LNX1: variants seen among roughly 807,000 people sequenced by gnomAD.
LNX1 encodes the protein E3 ubiquitin-protein ligase LNX.
A neutral mutation model predicts 68.4 loss-of-function variants in LNX1; 54 were observed. The ratio of observed to expected loss-of-function variants is 0.79; its 90% CI spans 0.63 to 0.99. The LOEUF (loss-of-function observed/expected upper bound fraction) is 0.99, where lower values mean the gene tolerates loss of function less well. Among genes scored for constraint, LNX1 ranks in the 50% least tolerant of loss-of-function variants. The pLI, the probability that LNX1 is intolerant of heterozygous loss-of-function variation, is 0.00. For synonymous variants in LNX1, 336 were observed against 350.0 expected (o/e 0.96, Z 0.45); for missense variants, 906 against 926.4 (o/e 0.98, Z 0.29).
At chr4:53,650,276 G>C (rs181631926) in intron 1 of LNX1, among the ~76,000 whole-genome samples, 2 of 152,312 alleles carry the variant, frequency 1.3e-5, no homozygotes, top group African/African-American at 4.8e-5. Flanking sequence ...CCTGTGCGGG[G>C]TGTGGAGGAC....
rs150088904 is a variant in LNX1, at chr4:53,527,796, C to T, written c.381-19569G>A. ...ACCAGGGCTGTCAGCTACTGGACTTCGTGAGGACAATGACTTTATGAAAGT... is the reference window on the plus strand; with the variant it reads ...ACCAGGGCTGTCAGCTACTGGACTTTGTGAGGACAATGACTTTATGAAAGT... On this transcript the variant is annotated intron_variant, in intron 2 of 10. Coordinates refer to ENST00000263925, the MANE Select transcript of LNX1 (RefSeq NM_001126328.3). Among the ~76,000 whole-genome samples, 253 of 152,260 alleles carry T rather than the reference C, an allele frequency of 1.7e-3. 1 individual carries two copies. The Middle Eastern group carries it at 0.017, about 10-fold the overall frequency.
chr4:53,508,426 T>G (rs1230431594), intron 2 of LNX1, 199 bp from the exon 3 acceptor site: 3 of 592,844 alleles, frequency 5.1e-6, no homozygotes, highest in Non-Finnish European at 8.1e-6. Flanking sequence ...AATTCATAAT[T>G]TGAGATTTTT....
At chr4:53,467,572 CAAAG>C (rs1212343988) in intron 9 of LNX1, among the ~76,000 whole-genome samples, 1 of 151,904 alleles carries the variant, frequency 6.6e-6, no homozygotes, top group Non-Finnish European at 1.5e-5. Flanking sequence ...GAACCAATGG[CAAAG>C]AAGTTAAAAA....
At chr4:53,609,836 C>T (rs143601532) in intron 2 of LNX1, among the ~76,000 whole-genome samples, 4,481 of 144,618 alleles carry the variant, frequency 0.031, 205 homozygotes, top group African/African-American at 0.1. Flanking sequence ...CTACATAATG[C>T]TATATAAATA....
chr4:53,597,626 G>A (rs1732809703), intron 2 of LNX1, among the ~76,000 whole-genome samples: 1 of 152,138 alleles, frequency 6.6e-6, no homozygotes, highest in Admixed American at 6.5e-5. Context: ...TTTCGTCTGT[G>A]GCTCCACACT....
chr4:53,569,188 A>T (rs901859590), intron 2 of LNX1, among the ~76,000 whole-genome samples: 1 of 152,176 alleles, frequency 6.6e-6, no homozygotes, highest in Non-Finnish European at 1.5e-5. Flanking sequence ...GAACCAAAAA[A>T]GAGCCCCCAT....
chr4:53,556,104 A>G (rs182740468), intron 2 of LNX1, among the ~76,000 whole-genome samples: 4 of 152,324 alleles, frequency 2.6e-5, no homozygotes, highest in East Asian at 3.9e-4. Flanking sequence ...ATCTCAAGAT[A>G]AGATTACCAT....
At chr4:53,465,295 A>ACTT (rs1299735638) in intron 9 of LNX1, among the ~76,000 whole-genome samples, 1 of 152,182 alleles carries the variant, frequency 6.6e-6, no homozygotes, top group African/African-American at 2.4e-5. Context: ...TTTTGACAGA[A>ACTT]CTTCTCTTTA....
chr4:53,606,482 CAAACAAAAAAA>C (rs1467638198), intron 2 of LNX1, among the ~76,000 whole-genome samples: 1 of 68,200 alleles, frequency 1.5e-5, no homozygotes, highest in Non-Finnish European at 3.1e-5. Flanking sequence ...AAACAAAAAA[CAAACAAAAAAA>C]AAACAGAACA....
chr4:53,563,296 T>C (rs1203204668), intron 2 of LNX1, among the ~76,000 whole-genome samples: 2 of 152,210 alleles, frequency 1.3e-5, no homozygotes, highest in African/African-American at 2.4e-5. Flanking sequence ...ATGCAAAATT[T>C]ATAAACAAAA....
At position 53,460,764 on chromosome 4, in the gene LNX1, G is replaced by T; in HGVS notation, c.*143C>A. Reference sequence around the variant, plus strand: ...AATCATATTTTCTGAGGTGTAACTGGCTTTCATTAGATGATCATACTTTTC... The same window carrying T: ...AATCATATTTTCTGAGGTGTAACTGTCTTTCATTAGATGATCATACTTTTC... On this transcript the variant is annotated 3_prime_UTR_variant, in exon 11 of 11. Coordinates refer to ENST00000263925, the MANE Select transcript of LNX1 (RefSeq NM_001126328.3). The T allele has an allele frequency of 1.2e-6, 1 of 821,484 alleles. No individual in the cohort carries two copies. The highest frequency in any genetic ancestry group is 1.9e-6 in the Non-Finnish European group (1 of 536,432). 50.9% of individuals were successfully genotyped at this position (821,484 alleles called of 1,614,324 possible). A position where few individuals can be genotyped will look rare whatever the true frequency, so the allele number is the denominator to read the frequency against.
intron 2 of LNX1, among the ~76,000 whole-genome samples, chr4:53,521,382 G>T (rs1279808296): frequency 1.3e-5 from 2 of 152,082 alleles, no homozygotes; most frequent in Non-Finnish European, 2.9e-5. Context: ...GCATTCCATC[G>T]CATTCTCAGA....
At chr4:53,531,024 G>A (rs1002022003) in intron 2 of LNX1, among the ~76,000 whole-genome samples, 19 of 152,188 alleles carry the variant, frequency 1.2e-4, no homozygotes, top group Admixed American at 1.0e-3. Context: ...AAATTAGCCG[G>A]TGTGGTGGTG....
chr4:53,604,252 T>C (rs544888180), intron 2 of LNX1, among the ~76,000 whole-genome samples: 1 of 152,306 alleles, frequency 6.6e-6, no homozygotes, highest in East Asian at 1.9e-4. Context: ...ACCTAAAGCT[T>C]GTATATTCAT....
At chr4:53,572,054 C>T (rs772159685) in intron 2 of LNX1, among the ~76,000 whole-genome samples, 1 of 152,162 alleles carries the variant, frequency 6.6e-6, no homozygotes. Flanking sequence ...AATTGCAACA[C>T]GGGACTGTGG....
At chr4:53,568,737 T>G (rs1315572629) in intron 2 of LNX1, among the ~76,000 whole-genome samples, 1 of 152,020 alleles carries the variant, frequency 6.6e-6, no homozygotes, top group African/African-American at 2.4e-5. Context: ...TGTTTGCAGA[T>G]GACATGATTG....
At chr4:53,553,123 A>G (rs1729631845) in intron 2 of LNX1, among the ~76,000 whole-genome samples, 1 of 152,206 alleles carries the variant, frequency 6.6e-6, no homozygotes, top group Non-Finnish European at 1.5e-5. Context: ...AGCTGGCCAT[A>G]TGAACATTAC....
At chr4:53,468,756 A>G (rs1311948655) in intron 9 of LNX1, among the ~76,000 whole-genome samples, 8 of 152,232 alleles carry the variant, frequency 5.3e-5, no homozygotes. Context: ...CCACTACATA[A>G]TGGTAAAGGG....
rs139688826 is a variant in LNX1 at position 53,648,293 on chromosome 4, A to C, written c.-215+3875T>G. 5.7e-3 allele frequency among the ~76,000 whole-genome samples: 868 copies of C among 152,332 alleles called. 11 individuals are homozygous for C. Among genetic ancestry groups the C allele is most frequent in the African/African-American group, 0.02 (824 of 41,576 alleles). ...ATTTTGGAATTTTTTTTAACTTGAT[A>C]GTAGCCATGCTAATGGGTGGGAGGT... On this transcript the variant is annotated intron_variant, in intron 1 of 2. Coordinates refer to the LNX1 transcript ENST00000507168.
Sources: gnomAD v4.1 joint callset for allele counts (sites outside exome capture counted in the v4.1 genomes callset) on GRCh38, gnomAD v4.1.1 for gene constraint, MANE v1.5 for transcripts, NCBI Gene and HGNC (gene_info 2026-07-23, HGNC 2026-07-21) for gene names.